Variants in PRR13 observed in about 807,000 individuals in gnomAD.
PRR13 encodes the protein proline rich 13.
In PRR13, 7 loss-of-function variants were observed where a neutral mutation model predicts 11.5. The ratio of observed to expected loss-of-function variants is 0.61; its 90% CI spans 0.34 to 1.14. The LOEUF (loss-of-function observed/expected upper bound fraction) is 1.14. Among genes scored for constraint, PRR13 ranks in the 50% most tolerant of loss-of-function variants. The pLI, the probability that PRR13 is intolerant of heterozygous loss-of-function variation, is 0.03. For missense variants in PRR13, 155 were observed against 194.4 expected (o/e 0.80, Z 1.21); for synonymous variants, 53 against 67.8 (o/e 0.78, Z 1.07).
intron 2 of PRR13, chr12:53,443,102 C>A: frequency 2.6e-6 from 1 of 383,006 alleles, no homozygotes; most frequent in South Asian, 7.3e-5. Context: ...TGAGATCTGT[C>A]CACCTCGGCC....
intron 3 of PRR13, among the ~76,000 whole-genome samples, chr12:53,445,002 C>T (rs1200496106): frequency 6.6e-6 from 1 of 152,142 alleles, no homozygotes. Flanking sequence ...CATTTAACTG[C>T]CCAGTATTTA....
intron 1 of PRR13, 173 bp downstream of exon 1, chr12:53,441,965 C>T (rs1940300637): frequency 3.2e-6 from 2 of 620,016 alleles, no homozygotes; most frequent in Non-Finnish European, 5.7e-6. Context: ...TCTTACTTCG[C>T]CTCGAGGCGT....
In PRR13 at chr12:53,441,756, G is replaced by A; in HGVS notation, c.-57G>A. The A allele has an allele frequency of 1.4e-6, 1 of 702,104 alleles. No individual in the cohort carries two copies. Among genetic ancestry groups the A allele is most frequent in the South Asian group, 1.5e-5 (1 of 67,578 alleles). 43.5% of individuals were successfully genotyped at this position (702,104 alleles called of 1,614,324 possible). A position where few individuals can be genotyped will look rare whatever the true frequency, so the allele number is the denominator to read the frequency against. Reference sequence around the variant, plus strand: ...GGTGACTAGGAAGAGCCGAGACTGCGAAGGAGAACGCAGCAAGCCCAGGCG... The same window carrying A: ...GGTGACTAGGAAGAGCCGAGACTGCAAAGGAGAACGCAGCAAGCCCAGGCG... On this transcript the variant is annotated 5_prime_UTR_variant, in exon 1 of 4. Transcript: ENST00000429243.
intron 3 of PRR13, among the ~76,000 whole-genome samples, chr12:53,445,664 A>T (rs891680500): frequency 7.2e-5 from 11 of 152,250 alleles, no homozygotes; most frequent in Non-Finnish European, 1.5e-5. Context: ...TAAGCATTGA[A>T]AAGGTAACAG....
intron 3 of PRR13, among the ~76,000 whole-genome samples, chr12:53,445,058 A>G (rs1940374905): frequency 6.6e-6 from 1 of 152,150 alleles, no homozygotes; most frequent in African/African-American, 2.4e-5. Context: ...TTTGATAGAA[A>G]TCTGAAGAGA....
intron 3 of PRR13, among the ~76,000 whole-genome samples, chr12:53,445,512 C>G (rs991616164): frequency 7.2e-5 from 11 of 152,134 alleles, no homozygotes; most frequent in African/African-American, 2.7e-4. Context: ...CCAGCCTTTT[C>G]TTACACCTTC....
chr12:53,446,207 G>A lies in PRR13; in HGVS notation c.*148G>A. 2 of 1,415,242 alleles carry A rather than the reference G, an allele frequency of 1.4e-6. No individual in the cohort carries two copies. Among genetic ancestry groups the A allele is most frequent in the South Asian group, 2.8e-5 (2 of 72,492 alleles). The allele number at this position is 1,415,242 out of a possible 1,614,324, so 87.7% of individuals were successfully genotyped here. A position where few individuals can be genotyped will look rare whatever the true frequency, so the allele number is the denominator to read the frequency against. On this transcript the variant is annotated 3_prime_UTR_variant, in exon 4 of 4. Transcript: ENST00000429243. ...CTCACCCTGCTGTTGAGCCCTGAGTGGCTAGGGGAAATGGGAAGAGGATTG... is the reference window on the plus strand; with the variant it reads ...CTCACCCTGCTGTTGAGCCCTGAGTAGCTAGGGGAAATGGGAAGAGGATTG...
At chr12:53,443,296 TTAAG>T in intron 2 of PRR13, 91 bp from the exon 3 acceptor site, 1 of 1,223,462 alleles carries the variant, frequency 8.2e-7, no homozygotes, top group African/African-American at 1.5e-5. Flanking sequence ...CCGTTTCCCT[TTAAG>T]TATTGAGTGA....
chr12:53,442,275 T>C lies in PRR13; in HGVS notation c.-20-420T>C, dbSNP rs1011146329. The stretch of plus-strand genomic sequence containing the variant: ...TTCTTTTCTTTTTGAGACGGTGTCT[T>C]GCTCCGTCGCCCAGGCTAGAGTGCA... On this transcript the variant is annotated intron_variant, in intron 1 of 3. Transcript: ENST00000429243. The C allele has an allele frequency of 7.8e-5, 17 of 218,324 alleles. No homozygotes were observed. In the South Asian group the frequency reaches 1.2e-3, roughly 15 times the overall value. The allele number at this position is 218,324 out of a possible 1,614,324, so 13.5% of individuals were successfully genotyped here.
chr12:53,445,993 C>CCTTTCCT (rs768921643), intron 3 of PRR13, 22 bp from the exon 4 acceptor site: 2 of 1,599,046 alleles, frequency 1.3e-6, no homozygotes, highest in African/African-American at 2.7e-5. Context: ...TCTTCTTTCC[C>CCTTTCCT]CTTTCCCCTT....
In PRR13 at chr12:53,441,804, T is replaced by C. The variant is rs1340044234; in HGVS notation, c.-21+12T>C. 12 of 702,198 alleles carry C rather than the reference T, an allele frequency of 1.7e-5. No individual in the cohort carries two copies. The highest frequency in any genetic ancestry group is 2.6e-5 in the Non-Finnish European group (10 of 384,826). 43.5% of individuals were successfully genotyped at this position (702,198 alleles called of 1,614,324 possible). On this transcript the variant is annotated intron_variant, in intron 1 of 3. Transcript: ENST00000429243. ...GCGGCGGTGGAAAGGTGATGGGGTA[T>C]CTGGATTCCATAGGTTTTTCCTTTT...
chr12:53,441,966 C>T (rs1940300705), intron 1 of PRR13, 174 bp downstream of exon 1: 1 of 619,762 alleles, frequency 1.6e-6, no homozygotes, highest in African/African-American at 1.8e-5. Flanking sequence ...CTTACTTCGC[C>T]TCGAGGCGTA....
chr12:53,443,274 T>C, intron 2 of PRR13, 117 bp from the exon 3 acceptor site: 1 of 1,144,358 alleles, frequency 8.7e-7, no homozygotes, highest in Middle Eastern at 3.1e-4. Flanking sequence ...TCCATTCTTC[T>C]TTGTCATCTT....
At chr12:53,443,930 C>A (rs1940348989) in intron 3 of PRR13, 157 bp downstream of exon 3, 2 of 916,110 alleles carry the variant, frequency 2.2e-6, no homozygotes, top group Non-Finnish European at 1.6e-6. Flanking sequence ...AAGATTGCTA[C>A]TGGGAAGAAT....
At chr12:53,443,321 CTTTCTT>C in intron 2 of PRR13, 64 bp from the exon 3 acceptor site, 1 of 1,291,902 alleles carries the variant, frequency 7.7e-7, no homozygotes, top group Non-Finnish European at 1.0e-6. Context: ...GAAAGAATCT[CTTTCTT>C]TTTGTTGTTT....
chr12:53,444,390 C>A (rs1940360742), intron 3 of PRR13, among the ~76,000 whole-genome samples: 1 of 149,312 alleles, frequency 6.7e-6, no homozygotes, highest in Non-Finnish European at 1.5e-5. Flanking sequence ...ATTGCAGTGG[C>A]ACAATCTCGG....
chr12:53,446,013 A>T lies in PRR13; in HGVS notation c.403-2A>T. On this transcript the variant is annotated splice_acceptor_variant, in intron 3 of 3. Transcript: ENST00000429243. LOFTEE classifies it high-confidence loss of function. ...TTTCCCCTTTCCCCTTTCCCCTTGC[A>T]GCATTCCTCCTCTTCCTCCTCCTCT... is the stretch of plus-strand genomic sequence containing the variant. The T allele has an allele frequency of 6.4e-7, 1 of 1,556,238 alleles. No individual in the cohort carries two copies. The highest frequency in any genetic ancestry group is 1.1e-5 in the South Asian group (1 of 89,020).
At position 53,446,269 on chromosome 12, in the gene PRR13, C is replaced by G. The variant is rs1940399747; in HGVS notation, c.*210C>G. 2 of 731,934 alleles carry G rather than the reference C, an allele frequency of 2.7e-6. No individual in the cohort carries two copies. Among genetic ancestry groups the G allele is most frequent in the East Asian group, 3.1e-5 (1 of 32,720 alleles). 45.3% of individuals were successfully genotyped at this position (731,934 alleles called of 1,614,324 possible). A position where few individuals can be genotyped will look rare whatever the true frequency, so the allele number is the denominator to read the frequency against. ...CCATCTTGTTGCTGCTTGGTTAGAT[C>G]ATATAGCTAATGAATTAGGCAGGGG... On this transcript the variant is annotated 3_prime_UTR_variant, in exon 4 of 4. Coordinates refer to ENST00000429243, the MANE Select transcript of PRR13 (RefSeq NM_018457.4).
At chr12:53,443,284 T>G (rs1294334052) in intron 2 of PRR13, 107 bp from the exon 3 acceptor site, 6 of 1,189,110 alleles carry the variant, frequency 5.0e-6, no homozygotes, top group Non-Finnish European at 5.5e-6. Flanking sequence ...TTTGTCATCT[T>G]TCCGTTTCCC....
Sources: allele counts gnomAD v4.1 joint callset (sites outside exome capture counted in the v4.1 genomes callset), GRCh38; gene constraint gnomAD v4.1.1; transcripts MANE v1.5; gene names NCBI Gene and HGNC (gene_info 2026-07-23, HGNC 2026-07-21).